Variants in SLC16A7 observed in about 807,000 individuals in gnomAD.
SLC16A7 encodes solute carrier family 16 member 7, also known as monocarboxylate transporter 2.
In SLC16A7, 33 loss-of-function variants were observed where a neutral mutation model predicts 34.9. The ratio of observed to expected loss-of-function variants is 0.94; its 90% CI spans 0.72 to 1.26. SLC16A7 has a LOEUF of 1.26. SLC16A7 is among the 50% of genes most tolerant of loss of function. SLC16A7 has a pLI of 0.00. For synonymous variants in SLC16A7, 201 were observed against 206.6 expected, an observed-to-expected ratio of 0.97 and a Z score of 0.23; for missense variants, 573 against 578.1, an observed-to-expected ratio of 0.99 and a Z score of 0.09.
At chr12:59,682,218 G>A (rs1870798072) in intron 2 of SLC16A7, among the ~76,000 whole-genome samples, 1 of 152,128 alleles carries the variant, frequency 6.6e-6, no homozygotes, top group South Asian at 2.1e-4. Context: ...GATTCTAGCA[G>A]CAATGTCTGT....
chr12:59,610,498 A>T (rs1234338818), intron 1 of SLC16A7, among the ~76,000 whole-genome samples: 1 of 152,202 alleles, frequency 6.6e-6, no homozygotes, highest in Non-Finnish European at 1.5e-5. Context: ...TGAGTGCTTG[A>T]TTATACCTTA....
At chr12:59,679,701 T>A (rs1364243298) in intron 2 of SLC16A7, among the ~76,000 whole-genome samples, 2 of 152,178 alleles carry the variant, frequency 1.3e-5, no homozygotes, top group African/African-American at 4.8e-5. Context: ...ATCTTTGTAT[T>A]TCCAAAGTCT....
chr12:59,738,718 A>T (rs1431961523), intron 3 of SLC16A7, among the ~76,000 whole-genome samples: 1 of 152,124 alleles, frequency 6.6e-6, no homozygotes, highest in Admixed American at 6.5e-5. Context: ...CATAGGTGAA[A>T]GACTATGAGC....
At chr12:59,736,609 AAC>A (rs1317232838) in intron 3 of SLC16A7, among the ~76,000 whole-genome samples, 1 of 152,114 alleles carries the variant, frequency 6.6e-6, no homozygotes, top group East Asian at 1.9e-4. Flanking sequence ...CCTTCTAAAC[AAC>A]AGACTGGGCA....
At chr12:59,602,597 C>T (rs982276027) in intron 1 of SLC16A7, among the ~76,000 whole-genome samples, 2 of 150,410 alleles carry the variant, frequency 1.3e-5, no homozygotes, top group Admixed American at 6.6e-5. Flanking sequence ...GATTCTCCTG[C>T]CCCAGCCTCC....
At chr12:59,705,972 C>A (rs1873520696) in intron 3 of SLC16A7, among the ~76,000 whole-genome samples, 2 of 152,030 alleles carry the variant, frequency 1.3e-5, no homozygotes. Context: ...TCACCCAAGG[C>A]CTAAGTACTT....
chr12:59,686,202 T>A (rs137982411), intron 2 of SLC16A7, among the ~76,000 whole-genome samples: 1 of 151,704 alleles, frequency 6.6e-6, no homozygotes, highest in Admixed American at 6.6e-5. Flanking sequence ...TATTACTTAT[T>A]TTGAATGGCA....
intron 3 of SLC16A7, among the ~76,000 whole-genome samples, chr12:59,728,842 A>G (rs1475994677): frequency 6.6e-6 from 1 of 152,254 alleles, no homozygotes; most frequent in Non-Finnish European, 1.5e-5. Flanking sequence ...ACACTTTTAT[A>G]CTTTGTAGCG....
intron 5 of SLC16A7, among the ~76,000 whole-genome samples, chr12:59,776,577 G>A (rs1882778722): frequency 6.6e-6 from 1 of 152,114 alleles, no homozygotes; most frequent in African/African-American, 2.4e-5. Context: ...CCATTATTTA[G>A]TCAGTTTTTA....
intron 1 of SLC16A7, among the ~76,000 whole-genome samples, chr12:59,653,511 A>G (rs1452098582): frequency 6.6e-6 from 1 of 151,618 alleles, no homozygotes; most frequent in Admixed American, 6.6e-5. Flanking sequence ...AAGATGTTAT[A>G]TTTTAAAAAT....
chr12:59,770,123 T>C (rs1882079350), intron 3 of SLC16A7, among the ~76,000 whole-genome samples: 1 of 152,126 alleles, frequency 6.6e-6, no homozygotes, highest in South Asian at 2.1e-4. Flanking sequence ...TAAAAGAACT[T>C]TTTTAGACTT....
chr12:59,762,836 TC>T (rs1437001704), intron 3 of SLC16A7, among the ~76,000 whole-genome samples: 7 of 139,018 alleles, frequency 5.0e-5, no homozygotes, highest in Admixed American at 1.4e-4. Flanking sequence ...AAAAAAAAAA[TC>T]TGATGCTCAG....
chr12:59,687,425 A>G (rs190897392), intron 2 of SLC16A7, among the ~76,000 whole-genome samples: 13 of 152,220 alleles, frequency 8.5e-5, no homozygotes, highest in Non-Finnish European at 1.6e-4. Flanking sequence ...CATTTTCTGC[A>G]TTTGAAGATA....
chr12:59,757,442 A>G (rs901625978), intron 3 of SLC16A7, among the ~76,000 whole-genome samples: 11 of 152,188 alleles, frequency 7.2e-5, no homozygotes, highest in African/African-American at 2.4e-4. Flanking sequence ...ACAAATTGAC[A>G]TTAGATAATC....
At chr12:59,695,244 T>C (rs1373254836) in intron 2 of SLC16A7, among the ~76,000 whole-genome samples, 2 of 152,004 alleles carry the variant, frequency 1.3e-5, no homozygotes, top group African/African-American at 4.8e-5. Context: ...AAGTTCTCCC[T>C]GCCAGAGGAA....
rs181678947 is a variant in SLC16A7, at chr12:59,656,392, A to G, written c.-31+1142A>G. Among the ~76,000 whole-genome samples the G allele has an allele frequency of 2.0e-5, 3 of 152,098 alleles. No individual in the cohort carries two copies. The East Asian group carries it at 5.8e-4, about 29-fold the overall frequency. On this transcript the variant is annotated intron_variant, in intron 2 of 5. Coordinates refer to ENST00000547379, the MANE Select transcript of SLC16A7 (RefSeq NM_001270623.2). ...CATCACTAGGATCCTTATAAATGAAAGAGAGAAGGCAGCAGGAAAGATGCT... is the reference window on the plus strand; with the variant it reads ...CATCACTAGGATCCTTATAAATGAAGGAGAGAAGGCAGCAGGAAAGATGCT...
At chr12:59,747,965 G>A (rs924803392) in intron 3 of SLC16A7, among the ~76,000 whole-genome samples, 1 of 152,156 alleles carries the variant, frequency 6.6e-6, no homozygotes, top group African/African-American at 2.4e-5. Context: ...TACTTTGGGA[G>A]GCCGAGGAGG....
At chr12:59,696,652 A>G (rs1186567822) in intron 2 of SLC16A7, 1 of 152,052 alleles carries the variant, frequency 6.6e-6, no homozygotes, top group Non-Finnish European at 1.5e-5. Flanking sequence ...AAAAAAAGGC[A>G]TGAAGCCAGA....
At chr12:59,691,519 G>C (rs1327356229) in intron 2 of SLC16A7, among the ~76,000 whole-genome samples, 1 of 152,042 alleles carries the variant, frequency 6.6e-6, no homozygotes, top group East Asian at 1.9e-4. Context: ...GTGGGGAAGA[G>C]GGGCTGGGCT....
Sources: gnomAD v4.1 joint callset for allele counts (sites outside exome capture counted in the v4.1 genomes callset) on GRCh38, gnomAD v4.1.1 for gene constraint, MANE v1.5 for transcripts, NCBI Gene and HGNC (gene_info 2026-07-23, HGNC 2026-07-21) for gene names.